The following FER1L5 variants were observed in gnomAD, a reference collection of about 807,000 sequenced individuals.
FER1L5 encodes fer-1-like protein 5.
FER1L5 carries 187 observed loss-of-function variants against 279.9 expected under a neutral mutation model. That is an observed-to-expected ratio of 0.67 (90% confidence interval 0.59 to 0.75). The LOEUF (loss-of-function observed/expected upper bound fraction) is 0.75. Among genes scored for constraint, FER1L5 ranks in the 30% least tolerant of loss-of-function variants. The pLI, the probability that FER1L5 is intolerant of heterozygous loss-of-function variation, is 0.00. For synonymous variants in FER1L5, 921 were observed against 989.7 expected (o/e 0.93, Z 1.30); for missense variants, 2,091 against 2,594.4 (o/e 0.81, Z 4.21).
chr2:96,659,553 GCAATCTCGGCT>G (rs2075869314), intron 9 of FER1L5, among the ~76,000 whole-genome samples: 1 of 144,072 alleles, frequency 6.9e-6, no homozygotes, highest in African/African-American at 2.6e-5. Context: ...GAGCAGTGGC[GCAATCTCGGCT>G]CATTGCAAGT....
Position 96,704,340 on chromosome 2 carries a change from T to G in FER1L5, c.5927T>G (p.Phe1976Cys), listed in dbSNP as rs1401089550. The change falls in exon 52 of 53, where the codon TTT becomes TGT. Residue 1976 changes from phenylalanine (F) to cysteine (C), a missense_variant. Physicochemically the swap from Phe to Cys is radical, Grantham distance 205 (BLOSUM62 -2). Coordinates refer to ENST00000624922, the MANE Select transcript of FER1L5 (RefSeq NM_001293083.2). Reference sequence around the variant, plus strand: ...ATATCGATTATAGCACTTATGCTGTTTAACTTCATCTATTCAGCTCCGGTG... The same window carrying G: ...ATATCGATTATAGCACTTATGCTGTGTAACTTCATCTATTCAGCTCCGGTG... ...MVISIIALMLFNFIYSAPHYL... is the reference protein window; with the variant it reads ...MVISIIALMLCNFIYSAPHYL... 1 of 1,613,990 alleles carries G rather than the reference T, an allele frequency of 6.2e-7. No individual in the cohort carries two copies.
chr2:96,656,766 AT>A (rs1489917773), intron 9 of FER1L5, among the ~76,000 whole-genome samples: 2 of 129,652 alleles, frequency 1.5e-5, no homozygotes, highest in Non-Finnish European at 3.3e-5. Flanking sequence ...TTTTTTTTTA[AT>A]TTGCAACTTA....
chr2:96,673,104 C>T lies in FER1L5; in HGVS notation c.1519C>T (p.Leu507=). ...GCACCAGAACCGCCAAAAGTATGGG[C>T]TGTGCGTCATCTTCCTTTCCTGTAC... The part of the protein sequence containing the change: ...EKHQNRQKYG[L]CVIFLSCTMM... Residue 507 remains leucine (L), a synonymous_variant, in exon 19 of 53, where the codon CTG becomes TTG. Transcript: ENST00000624922. 1 of 1,551,564 alleles carries T rather than the reference C, an allele frequency of 6.4e-7. No individual in the cohort carries two copies.
chr2:96,685,888 C>T, intron 21 of FER1L5, 52 bp from the exon 22 acceptor site: 7 of 1,469,080 alleles, frequency 4.8e-6, no homozygotes, highest in Non-Finnish European at 6.3e-6. Flanking sequence ...GGAATGGTGA[C>T]ACTGGGAGGC....
Position 96,691,649 on chromosome 2 carries a change from C to T in FER1L5, c.3075+37C>T. 1 of 1,507,930 alleles carries T rather than the reference C, an allele frequency of 6.6e-7. No individual in the cohort carries two copies. The highest frequency in any genetic ancestry group is 2.5e-5 in the East Asian group (1 of 40,566). The allele number at this position is 1,507,930 out of a possible 1,614,324, so 93.4% of individuals were successfully genotyped here. On this transcript the variant is annotated intron_variant, in intron 29 of 52. Coordinates refer to ENST00000624922, the MANE Select transcript of FER1L5 (RefSeq NM_001293083.2). The surrounding 1 kb of genome is among the most constrained non-coding windows in gnomAD (Gnocchi z 6.0). ...CAGGCTGGGTGATGCCTGCCTGTAA[C>T]CCCACCTCCCAGAGAAGCCAGGGCC...
intron 1 of FER1L5, among the ~76,000 whole-genome samples, chr2:96,643,893 G>A (rs1471202163): frequency 1.3e-5 from 2 of 151,656 alleles, no homozygotes; most frequent in Non-Finnish European, 2.9e-5. Flanking sequence ...GTGAAAGGGC[G>A]GGGCACGGTG....
intron 9 of FER1L5, among the ~76,000 whole-genome samples, chr2:96,656,341 A>G (rs1224152605): frequency 6.6e-6 from 1 of 152,226 alleles, no homozygotes; most frequent in African/African-American, 2.4e-5. Context: ...ACAGTTTTTC[A>G]AATAAGGATT....
intron 9 of FER1L5, among the ~76,000 whole-genome samples, chr2:96,659,571 A>G (rs557914276): frequency 1.4e-5 from 2 of 148,022 alleles, no homozygotes; most frequent in Non-Finnish European, 3.0e-5. Flanking sequence ...GGCTCATTGC[A>G]AGTTCCGCCT....
In FER1L5 at chr2:96,684,911, G is replaced by A. The variant is rs749468233; in HGVS notation, c.1795-418G>A. 5.3e-5 allele frequency among the ~76,000 whole-genome samples: 8 copies of A among 152,242 alleles called. No homozygotes were observed. In the South Asian group the frequency reaches 1.0e-3, roughly 20 times the overall value. On this transcript the variant is annotated intron_variant, in intron 20 of 52. Coordinates refer to ENST00000624922, the MANE Select transcript of FER1L5 (RefSeq NM_001293083.2). ...GGCAATGTGCTGGTTTCTGAAGTTC[G>A]GCAGGATCTGGGGGAGGCATGGAGG...
At chr2:96,659,357 C>CTTTCTTTCTTTCTTTCTTTCTTTCTTT (rs1558853546) in intron 9 of FER1L5, among the ~76,000 whole-genome samples, 1 of 68,660 alleles carries the variant, frequency 1.5e-5, no homozygotes, top group Admixed American at 2.3e-4. Flanking sequence ...TTCCTTCCTT[C>CTTTCTTTCTTTCTTTCTTTCTTTCTTT]CTTCCTTCTT....
chr2:96,684,832 T>C (rs2076860368), intron 20 of FER1L5, among the ~76,000 whole-genome samples: 2 of 151,880 alleles, frequency 1.3e-5, no homozygotes, highest in Admixed American at 6.6e-5. Flanking sequence ...GAAGAATGCA[T>C]AGGATTTTGT....
intron 19 of FER1L5, among the ~76,000 whole-genome samples, chr2:96,681,671 G>C (rs2076730761): frequency 6.6e-6 from 1 of 152,066 alleles, no homozygotes; most frequent in Admixed American, 6.6e-5. Flanking sequence ...AGATGACATA[G>C]GGTATAGTCA....
At chr2:96,687,747 T>C (rs1304591904) in intron 23 of FER1L5, 69 bp from the exon 24 acceptor site, 4 of 1,535,976 alleles carry the variant, frequency 2.6e-6, no homozygotes, top group African/African-American at 2.7e-5. Flanking sequence ...TACAGCCCAC[T>C]TGGGGGGTGG....
chr2:96,657,043 T>C (rs2075625684), intron 9 of FER1L5, among the ~76,000 whole-genome samples: 1 of 148,974 alleles, frequency 6.7e-6, no homozygotes, highest in Admixed American at 6.8e-5. Flanking sequence ...TCTATTCTGT[T>C]TTTTTATTTT....
intron 19 of FER1L5, among the ~76,000 whole-genome samples, chr2:96,677,594 G>T (rs7600903): frequency 0.24 from 36,686 of 151,938 alleles, 5,929 homozygotes; most frequent in South Asian, 0.65. Flanking sequence ...GCCCGGGCAC[G>T]GTGGCTCACT....
At position 96,691,394 on chromosome 2, in the gene FER1L5, G is replaced by C; in HGVS notation, c.2907+41G>C. On this transcript the variant is annotated intron_variant, in intron 28 of 52. Transcript: ENST00000624922. The surrounding 1 kb of genome is among the most constrained non-coding windows in gnomAD (Gnocchi z 6.0). ...GCGCCCTGGCTGGGACTGCGGGCAG[G>C]GCCGCCTTGGCTGCTGCAGGAACAC... 1.3e-6 allele frequency: 2 copies of C among 1,537,750 alleles called. No individual in the cohort carries two copies. The highest frequency in any genetic ancestry group is 1.8e-6 in the Non-Finnish European group (2 of 1,138,152).
In FER1L5 at chr2:96,702,447, G is replaced by A; in HGVS notation, c.5255+46G>A. ...TCCGGCAGAGCCCCTCAGTTCCCCA[G>A]TTCTGTCATCCTGCTGGCACGGCCC... is the stretch of plus-strand genomic sequence containing the variant. On this transcript the variant is annotated intron_variant, in intron 47 of 52. Transcript: ENST00000624922. This position sits in a 1 kb window ranked among gnomAD's most constrained non-coding sequence, Gnocchi z 4.0. 2 of 1,578,086 alleles carry A rather than the reference G, an allele frequency of 1.3e-6. No homozygotes were observed. The highest frequency in any genetic ancestry group is 2.3e-5 in the South Asian group (2 of 86,044).
At position 96,698,773 on chromosome 2, in the gene FER1L5, T is replaced by C. The variant is rs1432461031; in HGVS notation, c.4459T>C (p.Leu1487=). 2.6e-6 allele frequency: 4 copies of C among 1,567,762 alleles called. No homozygotes were observed. The highest frequency in any genetic ancestry group is 1.4e-5 in the African/African-American group (1 of 73,606). ...GAGAGAGGACTTCCCCCAGCCGTGC[T>C]TGGTGCGGGTGTACATGGTACGAGC... ...PEREDFPQPC[L]VRVYMVRAIN... The change falls in exon 41 of 53, where the codon TTG becomes CTG. Residue 1487 remains leucine (L), a synonymous_variant. Coordinates refer to ENST00000624922, the MANE Select transcript of FER1L5 (RefSeq NM_001293083.2). This position sits in a 1 kb window ranked among gnomAD's most constrained non-coding sequence, Gnocchi z 5.5.
intron 3 of FER1L5, 86 bp from the exon 4 acceptor site, chr2:96,647,692 C>T (rs1368182292): frequency 6.2e-6 from 6 of 970,720 alleles, no homozygotes; most frequent in African/African-American, 1.6e-5. Flanking sequence ...GGGAGGAAAC[C>T]GTCTCTAGCT....
Sources: gnomAD v4.1 joint callset for allele counts (sites outside exome capture counted in the v4.1 genomes callset) on GRCh38, gnomAD v4.1.1 for gene constraint, Gnocchi (gnomAD v3.1) non-coding constraint, MANE v1.5 for transcripts, NCBI Gene and HGNC (gene_info 2026-07-23, HGNC 2026-07-21) for gene names.